Variants in LINGO2 observed in about 807,000 individuals in gnomAD.
LINGO2 encodes the protein leucine rich repeat and Ig domain containing 2, also known as leucine-rich repeat and immunoglobulin-like domain-containing nogo receptor-interacting protein 2.
In LINGO2, 14 loss-of-function variants were observed where a neutral mutation model predicts 30.6. That is an observed-to-expected ratio of 0.46 (90% CI 0.30 to 0.72). The LOEUF (loss-of-function observed/expected upper bound fraction) is 0.72. Ranked by LOEUF, LINGO2 falls within the 30% of genes least tolerant of loss-of-function variation. LINGO2 has a pLI of 0.07. For missense variants in LINGO2, 729 were observed against 751.7 expected (o/e 0.97, Z 0.35); for synonymous variants, 317 against 288.5 (o/e 1.10, Z -1.00).
the LINGO2 span, among the ~76,000 whole-genome samples, chr9:29,065,285 C>A: frequency 6.6e-6 from 1 of 152,014 alleles, no homozygotes; most frequent in Admixed American, 6.6e-5. Flanking sequence ...TTAGGTCCCA[C>A]TTGTCAATTT....
chr9:28,324,493 T>A (rs1825154983), intron 3 of LINGO2, among the ~76,000 whole-genome samples: 1 of 152,130 alleles, frequency 6.6e-6, no homozygotes, highest in African/African-American at 2.4e-5. Context: ...AATGTACAGG[T>A]CATAAAGACC....
At chr9:27,951,276 C>T (rs150171655) in intron 5 of LINGO2, among the ~76,000 whole-genome samples, 92 of 152,208 alleles carry the variant, frequency 6.0e-4, no homozygotes, top group African/African-American at 2.2e-3. Context: ...TACTTTTAAC[C>T]TTTGAATTTT....
chr9:29,212,204 T>TGCGGA, the LINGO2 span, among the ~76,000 whole-genome samples: 1 of 151,936 alleles, frequency 6.6e-6, no homozygotes, highest in Non-Finnish European at 1.5e-5. Flanking sequence ...CGCGGCGCGG[T>TGCGGA]GCGGAGCTCG....
chr9:28,365,364 C>T (rs1820621644), intron 3 of LINGO2, among the ~76,000 whole-genome samples: 1 of 152,056 alleles, frequency 6.6e-6, no homozygotes, highest in Non-Finnish European at 1.5e-5. Flanking sequence ...GAATTAATTG[C>T]CTGGGTATTG....
chr9:28,225,074 T>G (rs983766376), intron 4 of LINGO2, among the ~76,000 whole-genome samples: 18 of 152,140 alleles, frequency 1.2e-4, no homozygotes, highest in Non-Finnish European at 2.6e-4. Context: ...TGCACAGGAA[T>G]AAAACTAGAG....
intron 1 of LINGO2, among the ~76,000 whole-genome samples, chr9:28,560,804 C>A (rs1823009407): frequency 6.6e-6 from 1 of 152,006 alleles, no homozygotes; most frequent in Non-Finnish European, 1.5e-5. Flanking sequence ...GTAGCTGGAA[C>A]CACAGGTGCA....
intron 4 of LINGO2, among the ~76,000 whole-genome samples, chr9:28,075,606 A>G (rs1044026144): frequency 1.3e-5 from 2 of 151,976 alleles, no homozygotes; most frequent in African/African-American, 4.8e-5. Flanking sequence ...TTGTATGTAT[A>G]AGACATTATC....
chr9:28,424,347 A>C (rs1255153353), intron 2 of LINGO2, among the ~76,000 whole-genome samples: 2 of 152,118 alleles, frequency 1.3e-5, no homozygotes, highest in Non-Finnish European at 2.9e-5. Context: ...CATATGAATA[A>C]GTCCAGGCTA....
At chr9:28,823,494 G>A in the LINGO2 span, among the ~76,000 whole-genome samples, 35 of 152,236 alleles carry the variant, frequency 2.3e-4, no homozygotes, top group Admixed American at 3.9e-4. Context: ...TCTGAACCTG[G>A]GTTGGCCTTT....
intron 3 of LINGO2, among the ~76,000 whole-genome samples, chr9:28,337,735 A>G (rs1456804354): frequency 1.3e-5 from 2 of 152,102 alleles, no homozygotes; most frequent in African/African-American, 4.8e-5. Context: ...GCCAGCCCCA[A>G]ACTTTGGAGG....
the LINGO2 span, among the ~76,000 whole-genome samples, chr9:28,773,088 G>A: frequency 4.6e-5 from 7 of 152,078 alleles, no homozygotes; most frequent in African/African-American, 9.7e-5. Context: ...ACATACGGCC[G>A]GGCGCGGTGG....
chr9:28,831,569 T>A, the LINGO2 span, among the ~76,000 whole-genome samples: 3 of 152,116 alleles, frequency 2.0e-5, no homozygotes, highest in Non-Finnish European at 2.9e-5. Context: ...CTAGACTTGA[T>A]ATTTAGAAGG....
At chr9:28,365,929 A>G (rs145354649) in intron 3 of LINGO2, among the ~76,000 whole-genome samples, 7 of 152,282 alleles carry the variant, frequency 4.6e-5, no homozygotes, top group East Asian at 1.9e-4. Context: ...GATGGAGTTC[A>G]TAGTAAAGCA....
chr9:28,895,644 T>G, the LINGO2 span, among the ~76,000 whole-genome samples: 1 of 151,980 alleles, frequency 6.6e-6, no homozygotes, highest in Non-Finnish European at 1.5e-5. Flanking sequence ...TCGCAAATAA[T>G]ACATTTTTTT....
chr9:28,164,672 C>G (rs146533563), intron 4 of LINGO2, among the ~76,000 whole-genome samples: 25 of 152,260 alleles, frequency 1.6e-4, no homozygotes, highest in Admixed American at 2.6e-4. Context: ...AGGGAAGGTG[C>G]TATTTGCAAT....
At chr9:28,799,040 T>C in the LINGO2 span, among the ~76,000 whole-genome samples, 3 of 152,062 alleles carry the variant, frequency 2.0e-5, no homozygotes, top group South Asian at 4.1e-4. Flanking sequence ...ATCAGAAAGT[T>C]TGTGGTATGA....
intron 3 of LINGO2, among the ~76,000 whole-genome samples, chr9:28,360,098 T>C (rs969479553): frequency 6.6e-6 from 1 of 152,218 alleles, no homozygotes; most frequent in African/African-American, 2.4e-5. Flanking sequence ...GTAAAGTACT[T>C]AGTACAATTC....
At chr9:28,234,490 G>A (rs1821486921) in intron 4 of LINGO2, among the ~76,000 whole-genome samples, 1 of 152,222 alleles carries the variant, frequency 6.6e-6, no homozygotes, top group South Asian at 2.1e-4. Flanking sequence ...ATTTGAGTCA[G>A]TGGACTGGGA....
At chr9:28,838,217 G>GCAGATATGA in the LINGO2 span, among the ~76,000 whole-genome samples, 1 of 152,112 alleles carries the variant, frequency 6.6e-6, no homozygotes, top group Non-Finnish European at 1.5e-5. Context: ...AAATGCAGAA[G>GCAGATATGA]CAGATATGAG....
Sources: allele counts gnomAD v4.1 joint callset (sites outside exome capture counted in the v4.1 genomes callset), GRCh38; gene constraint gnomAD v4.1.1; transcripts MANE v1.5; gene names NCBI Gene and HGNC (gene_info 2026-07-23, HGNC 2026-07-21).